Variants in PPIP5K2 observed in about 807,000 individuals in gnomAD.
PPIP5K2 encodes the protein inositol hexakisphosphate and diphosphoinositol-pentakisphosphate kinase 2.
PPIP5K2 carries 105 observed loss-of-function variants against 154.6 expected under a neutral mutation model. The observed-to-expected ratio is 0.68, with a 90% CI of 0.58 to 0.80. The LOEUF is 0.80. Among genes scored for constraint, PPIP5K2 ranks in the 30% least tolerant of loss-of-function variants. The pLI, the probability that PPIP5K2 is intolerant of heterozygous loss-of-function variation, is 0.00. For missense variants in PPIP5K2, 992 were observed against 1,504.6 expected, an observed-to-expected ratio of 0.66 and a Z score of 5.64; for synonymous variants, 480 against 490.3, an observed-to-expected ratio of 0.98 and a Z score of 0.28.
intron 28 of PPIP5K2, among the ~76,000 whole-genome samples, chr5:103,189,506 A>G (rs1177495467): frequency 6.6e-6 from 1 of 152,180 alleles, no homozygotes; most frequent in East Asian, 1.9e-4. Context: ...GCTCATTTGC[A>G]TGAATCTTGT....
intron 29 of PPIP5K2, among the ~76,000 whole-genome samples, chr5:103,191,906 C>G (rs1367970234): frequency 6.6e-6 from 1 of 151,996 alleles, no homozygotes; most frequent in East Asian, 1.9e-4. Flanking sequence ...TATCATTCCT[C>G]TTTTTCTGAG....
chr5:103,167,626 C>G (rs948774687), intron 18 of PPIP5K2, among the ~76,000 whole-genome samples: 4 of 151,880 alleles, frequency 2.6e-5, no homozygotes, highest in African/African-American at 7.2e-5. Flanking sequence ...GATCTAGGCT[C>G]TGGCCCCAAA....
At chr5:103,132,939 C>T (rs1367407373) in intron 2 of PPIP5K2, among the ~76,000 whole-genome samples, 1 of 152,170 alleles carries the variant, frequency 6.6e-6, no homozygotes, top group African/African-American at 2.4e-5. Flanking sequence ...GACTTGACAC[C>T]TCTGTTAGCA....
intron 28 of PPIP5K2, chr5:103,189,093 C>T: frequency 8.5e-7 from 1 of 1,170,744 alleles, no homozygotes; most frequent in Non-Finnish European, 1.2e-6. Context: ...CTCCCTTCAT[C>T]TTTAGTTCAA....
intron 29 of PPIP5K2, among the ~76,000 whole-genome samples, chr5:103,192,275 C>G (rs1048053255): frequency 6.6e-6 from 1 of 152,078 alleles, no homozygotes; most frequent in South Asian, 2.1e-4. Flanking sequence ...ATTGATAATA[C>G]TTCAAATGAA....
chr5:103,136,969 AT>A, intron 4 of PPIP5K2, 147 bp downstream of exon 4: 1 of 645,452 alleles, frequency 1.5e-6, no homozygotes, highest in Non-Finnish European at 2.7e-6. Flanking sequence ...TTATTACCTA[AT>A]TTTACAGATG....
chr5:103,151,044 TTAAA>T (rs1794576164), intron 8 of PPIP5K2, among the ~76,000 whole-genome samples: 1 of 151,990 alleles, frequency 6.6e-6, no homozygotes, highest in Admixed American at 6.6e-5. Flanking sequence ...GATGAAAGAC[TTAAA>T]TAATCATATA....
chr5:103,199,170 A>G (rs1802581867), intron 30 of PPIP5K2, among the ~76,000 whole-genome samples: 2 of 152,128 alleles, frequency 1.3e-5, no homozygotes, highest in Admixed American at 1.3e-4. Context: ...TTAAACAGTC[A>G]TATGTATTTT....
rs1168440938 is a variant in PPIP5K2 at position 103,136,888 on chromosome 5, C to A, written c.401+66C>A. On this transcript the variant is annotated intron_variant, in intron 4 of 30. Coordinates refer to ENST00000358359, the MANE Select transcript of PPIP5K2 (RefSeq NM_001276277.3). ...ACATTAATTTAGTACCTACTGTACA[C>A]TGACATGGCATCAGGTGTTTTTGCA... 7.2e-6 allele frequency: 8 copies of A among 1,108,260 alleles called. No individual in the cohort carries two copies. The African/African-American group carries it at 1.2e-4, about 17-fold the overall frequency. 68.7% of individuals were successfully genotyped at this position (1,108,260 alleles called of 1,614,324 possible). A position where few individuals can be genotyped will look rare whatever the true frequency, so the allele number is the denominator to read the frequency against.
chr5:103,205,759 A>G lies in PPIP5K2; in HGVS notation c.*4125A>G, dbSNP rs369312519. The G allele has an allele frequency of 6.6e-5, 10 of 152,180 alleles. No individual in the cohort carries two copies. Among genetic ancestry groups the G allele is most frequent in the African/African-American group, 2.2e-4 (9 of 41,456 alleles). The allele number at this position is 152,180 out of a possible 1,614,324, so 9.4% of individuals were successfully genotyped here. ...AATTCATGAATGCTAGATTTTCATT[A>G]TAGGTTTTACCTTATCATTATTAAA... On this transcript the variant is annotated 3_prime_UTR_variant, in exon 31 of 31. Coordinates refer to ENST00000358359, the MANE Select transcript of PPIP5K2 (RefSeq NM_001276277.3).
At chr5:103,142,030 C>T (rs1792795215) in intron 5 of PPIP5K2, among the ~76,000 whole-genome samples, 1 of 152,228 alleles carries the variant, frequency 6.6e-6, no homozygotes, top group Non-Finnish European at 1.5e-5. Context: ...GCGCCGTGTG[C>T]TCGCACTCCT....
In PPIP5K2 at chr5:103,210,931, C is replaced by G. The variant is rs1305272059; in HGVS notation, c.*9297C>G. On this transcript the variant is annotated 3_prime_UTR_variant, in exon 31 of 31. Transcript: ENST00000358359. ...ATGAAATACAGTTATGGAAATATTT[C>G]TGCTGCAAGAAAAGAATTACATACA... 4 of 152,018 alleles carry G rather than the reference C, an allele frequency of 2.6e-5. 1 individual carries two copies. The highest frequency in any genetic ancestry group is 5.9e-5 in the Non-Finnish European group (4 of 67,974). The allele number at this position is 152,018 out of a possible 1,614,324, so 9.4% of individuals were successfully genotyped here. A position where few individuals can be genotyped will look rare whatever the true frequency, so the allele number is the denominator to read the frequency against.
rs978287777 is a variant in PPIP5K2, at chr5:103,135,969, T to A, written c.311-763T>A. On this transcript the variant is annotated intron_variant, in intron 3 of 30. Transcript: ENST00000358359. ...ATGAATTAAGTTTTGCTTCTGTAGC[T>A]TTTTTTTTTTTTTTTTTTTTGAGAT... 4 of 120,486 alleles carry A rather than the reference T, an allele frequency of 3.3e-5. No homozygotes were observed. The East Asian group carries it at 9.0e-4, about 27-fold the overall frequency. The allele number at this position is 120,486 out of a possible 1,614,324, so 7.5% of individuals were successfully genotyped here. A position where few individuals can be genotyped will look rare whatever the true frequency, so the allele number is the denominator to read the frequency against.
At chr5:103,148,160 C>T (rs1794036926) in intron 7 of PPIP5K2, 128 bp downstream of exon 7, 1 of 739,766 alleles carries the variant, frequency 1.4e-6, no homozygotes, top group East Asian at 2.7e-5. Context: ...AGGGATTCCT[C>T]ATGTTTTGTA....
rs1443648533 is a variant in PPIP5K2 at position 103,209,170 on chromosome 5, A to G, written c.*7536A>G. ...GGACTATTTGTTTTTGTTGTAATAGAGTTGTATATAGTCCAGATGTCAACC... is the reference window on the plus strand; with the variant it reads ...GGACTATTTGTTTTTGTTGTAATAGGGTTGTATATAGTCCAGATGTCAACC... On this transcript the variant is annotated 3_prime_UTR_variant, in exon 31 of 31. Coordinates refer to ENST00000358359, the MANE Select transcript of PPIP5K2 (RefSeq NM_001276277.3). 1 of 152,130 alleles carries G rather than the reference A, an allele frequency of 6.6e-6. No individual in the cohort carries two copies. The highest frequency in any genetic ancestry group is 6.5e-5 in the Admixed American group (1 of 15,274). 9.4% of individuals were successfully genotyped at this position (152,130 alleles called of 1,614,324 possible). A position where few individuals can be genotyped will look rare whatever the true frequency, so the allele number is the denominator to read the frequency against.
chr5:103,157,234 C>T (rs1277460444), intron 14 of PPIP5K2, among the ~76,000 whole-genome samples: 2 of 151,670 alleles, frequency 1.3e-5, no homozygotes, highest in Non-Finnish European at 2.9e-5. Context: ...ATCTTAATAC[C>T]ATGAAAAGGA....
Position 103,153,866 on chromosome 5 carries a change from C to A in PPIP5K2, c.1149C>A (p.Val383=). 3 of 1,604,052 alleles carry A rather than the reference C, an allele frequency of 1.9e-6. No individual in the cohort carries two copies. In the South Asian group the frequency reaches 3.4e-5, roughly 18 times the overall value. ...ATTTTAGGATGGAACTTAGATGTGT[C>A]ATAGCTGTTATACGTCATGGGGATC... ...TSGTMMELRC[V]IAVIRHGDRT... The change falls in exon 11 of 31, where the codon GTC becomes GTA. Residue 383 remains valine, a synonymous_variant. Transcript: ENST00000358359.
intron 24 of PPIP5K2, among the ~76,000 whole-genome samples, chr5:103,181,055 C>T (rs1281542456): frequency 6.6e-6 from 1 of 151,838 alleles, no homozygotes; most frequent in Non-Finnish European, 1.5e-5. Flanking sequence ...CTTATGCTCT[C>T]TAATAGAAAA....
chr5:103,191,023 G>T, intron 29 of PPIP5K2, 41 bp downstream of exon 29: 3 of 1,575,588 alleles, frequency 1.9e-6, no homozygotes, highest in Non-Finnish European at 2.6e-6. Flanking sequence ...TAGTTGCTGG[G>T]CAACTACATA....
Sources: allele counts gnomAD v4.1 joint callset (sites outside exome capture counted in the v4.1 genomes callset), GRCh38; gene constraint gnomAD v4.1.1; transcripts MANE v1.5; gene names NCBI Gene and HGNC (gene_info 2026-07-23, HGNC 2026-07-21).